The following KSR1 variants were observed in gnomAD, a reference collection of about 807,000 sequenced individuals.
KSR1 encodes kinase suppressor of ras 1.
Under a neutral mutation model 92.9 loss-of-function variants are expected in KSR1, and 35 were observed. The observed-to-expected ratio is 0.38, with a 90% CI of 0.29 to 0.50. KSR1 has a LOEUF of 0.50. Ranked by LOEUF, KSR1 falls within the 20% of genes least tolerant of loss-of-function variation. KSR1 has a pLI of 0.94. For synonymous variants in KSR1, 467 were observed against 472.6 expected, an observed-to-expected ratio of 0.99 and a Z score of 0.15; for missense variants, 972 against 1,158.5, an observed-to-expected ratio of 0.84 and a Z score of 2.34.
At chr17:27,479,625 A>G (rs989453183) in intron 1 of KSR1, among the ~76,000 whole-genome samples, 2 of 152,192 alleles carry the variant, frequency 1.3e-5, no homozygotes, top group African/African-American at 4.8e-5. Context: ...GCTGCAGGAC[A>G]TGAGACAGAC....
chr17:27,558,172 A>G lies in KSR1; in HGVS notation c.372+7464A>G, dbSNP rs1010102509. 3 of 152,600 alleles carry G rather than the reference A, an allele frequency of 2.0e-5. No individual in the cohort carries two copies. In the East Asian group the frequency reaches 5.8e-4, roughly 29 times the overall value. The allele number at this position is 152,600 out of a possible 1,614,324, so 9.5% of individuals were successfully genotyped here. A position where few individuals can be genotyped will look rare whatever the true frequency, so the allele number is the denominator to read the frequency against. On this transcript the variant is annotated intron_variant, in intron 2 of 20. Transcript: ENST00000644974. ...CCCTCCTCTTCCACTTCGCGGGGATAACACCTTGTTAACAGGTCAGTGGGT... is the reference window on the plus strand; with the variant it reads ...CCCTCCTCTTCCACTTCGCGGGGATGACACCTTGTTAACAGGTCAGTGGGT...
chr17:27,614,566 G>A (rs2074006580), intron 18 of KSR1, among the ~76,000 whole-genome samples: 1 of 152,214 alleles, frequency 6.6e-6, no homozygotes, highest in African/African-American at 2.4e-5. Flanking sequence ...TCATCTGGGA[G>A]CTTTATAAAA....
At chr17:27,554,167 G>T (rs2071505041) in intron 2 of KSR1, among the ~76,000 whole-genome samples, 2 of 152,178 alleles carry the variant, frequency 1.3e-5, no homozygotes, top group South Asian at 4.1e-4. Context: ...GTCTGTCAGA[G>T]AATCTTTTGA....
intron 1 of KSR1, among the ~76,000 whole-genome samples, chr17:27,537,874 T>C (rs1218260584): frequency 6.6e-6 from 1 of 152,054 alleles, no homozygotes; most frequent in African/African-American, 2.4e-5. Context: ...ATCAAAAACC[T>C]AAATAAAAAA....
At chr17:27,526,022 CTTT>C in intron 1 of KSR1, among the ~76,000 whole-genome samples, 1 of 99,638 alleles carries the variant, frequency 1.0e-5, no homozygotes, top group Non-Finnish European at 1.8e-5. Context: ...CTTTTCTTTT[CTTT>C]TCTTTTCTTT....
chr17:27,481,160 G>A (rs1460522974), intron 1 of KSR1, among the ~76,000 whole-genome samples: 1 of 151,924 alleles, frequency 6.6e-6, no homozygotes, highest in East Asian at 1.9e-4. Flanking sequence ...TACACTTCAG[G>A]TAGTTTTTTT....
chr17:27,616,986 C>G (rs931297503), intron 18 of KSR1, among the ~76,000 whole-genome samples: 1 of 152,168 alleles, frequency 6.6e-6, no homozygotes, highest in African/African-American at 2.4e-5. Context: ...TTCAAAAAAC[C>G]AACAGCCCCA....
chr17:27,517,999 A>C (rs537108156), intron 1 of KSR1, among the ~76,000 whole-genome samples: 1 of 152,372 alleles, frequency 6.6e-6, no homozygotes, highest in Non-Finnish European at 1.5e-5. Flanking sequence ...GCTGTATGCC[A>C]CCACATGAGG....
At chr17:27,603,753 G>A (rs1321267109) in intron 11 of KSR1, 81 bp from the exon 12 acceptor site, 1 of 1,395,528 alleles carries the variant, frequency 7.2e-7, no homozygotes, top group African/African-American at 1.4e-5. Flanking sequence ...CCTCTCTGGG[G>A]GTGCTGGGTT....
chr17:27,526,422 A>G (rs1334617455), intron 1 of KSR1: 10 of 1,544,978 alleles, frequency 6.5e-6, no homozygotes, highest in Non-Finnish European at 7.9e-6. Flanking sequence ...TAAATGAGGA[A>G]GCAGGCCATT....
intron 1 of KSR1, among the ~76,000 whole-genome samples, chr17:27,532,815 G>C (rs1232934441): frequency 2.6e-5 from 4 of 152,224 alleles, no homozygotes; most frequent in Non-Finnish European, 5.9e-5. Flanking sequence ...CTCTGGGTCA[G>C]TGATGTCTCC....
In KSR1 at chr17:27,625,488, G is replaced by C. The variant is rs1448249691; in HGVS notation, c.*2096G>C. The C allele has an allele frequency of 6.6e-6, 1 of 152,242 alleles. No homozygotes were observed. The highest frequency in any genetic ancestry group is 1.5e-5 in the Non-Finnish European group (1 of 68,054). 9.4% of individuals were successfully genotyped at this position (152,242 alleles called of 1,614,324 possible). ...CTTAAGGAACTGATGACCTGGTGGGGCCCTGTTGTCTTCAAGGAACCCAGA... is the reference window on the plus strand; with the variant it reads ...CTTAAGGAACTGATGACCTGGTGGGCCCCTGTTGTCTTCAAGGAACCCAGA... On this transcript the variant is annotated 3_prime_UTR_variant, in exon 21 of 21. Coordinates refer to ENST00000644974, the MANE Select transcript of KSR1 (RefSeq NM_001394583.1).
intron 16 of KSR1, 110 bp downstream of exon 16, chr17:27,609,439 G>A: frequency 7.0e-7 from 1 of 1,419,474 alleles, no homozygotes. Flanking sequence ...CCTCCCTGCA[G>A]GGAAGCCCAG....
At chr17:27,556,288 C>T (rs1353645544) in intron 2 of KSR1, among the ~76,000 whole-genome samples, 1 of 152,150 alleles carries the variant, frequency 6.6e-6, no homozygotes, top group African/African-American at 2.4e-5. Context: ...GATCCTGGCT[C>T]ATTGCAGCTT....
chr17:27,512,400 A>T (rs1261591963), intron 1 of KSR1, among the ~76,000 whole-genome samples: 1 of 152,154 alleles, frequency 6.6e-6, no homozygotes, highest in Non-Finnish European at 1.5e-5. Context: ...GGGGTGATAA[A>T]GTGGCATAGG....
intron 11 of KSR1, 124 bp from the exon 12 acceptor site, chr17:27,603,710 G>A (rs2073646785): frequency 1.1e-6 from 1 of 940,096 alleles, no homozygotes; most frequent in Non-Finnish European, 1.7e-6. Flanking sequence ...AGTGTCTGGG[G>A]AACATGTGGC....
intron 9 of KSR1, among the ~76,000 whole-genome samples, chr17:27,595,872 G>C (rs1235309393): frequency 6.6e-6 from 1 of 152,070 alleles, no homozygotes; most frequent in Non-Finnish European, 1.5e-5. Flanking sequence ...TCCTGAAGCC[G>C]GGATCATGCC....
At chr17:27,611,435 C>G (rs541498380) in intron 17 of KSR1, 59 bp from the exon 18 acceptor site, 1 of 1,609,790 alleles carries the variant, frequency 6.2e-7, no homozygotes, top group South Asian at 1.1e-5. Flanking sequence ...TCAAGGGCCC[C>G]TGGGCTTGAG....
chr17:27,468,508 C>T (rs2019819482), intron 1 of KSR1, among the ~76,000 whole-genome samples: 3 of 152,160 alleles, frequency 2.0e-5, no homozygotes, highest in East Asian at 1.9e-4. Flanking sequence ...GGATTACAGG[C>T]GTGAGCCACC....
Sources: gnomAD v4.1 joint callset for allele counts (sites outside exome capture counted in the v4.1 genomes callset) on GRCh38, gnomAD v4.1.1 for gene constraint, MANE v1.5 for transcripts, NCBI Gene and HGNC (gene_info 2026-07-23, HGNC 2026-07-21) for gene names.